The following CCDC85A variants were observed in gnomAD, a reference collection of about 807,000 sequenced individuals.
CCDC85A encodes the protein coiled-coil domain-containing protein 85A.
A neutral mutation model predicts 50.2 loss-of-function variants in CCDC85A; 38 were observed. The observed-to-expected ratio is 0.76, with a 90% confidence interval of 0.58 to 0.99. The LOEUF (loss-of-function observed/expected upper bound fraction) is 0.99, where lower values mean the gene tolerates loss of function less well. Among genes scored for constraint, CCDC85A ranks in the 50% least tolerant of loss-of-function variants. The pLI is 0.00. For missense variants in CCDC85A, 820 were observed against 742.0 expected (o/e 1.11, Z -1.22); for synonymous variants, 366 against 301.4 (o/e 1.21, Z -2.22).
intron 5 of CCDC85A, among the ~76,000 whole-genome samples, chr2:56,376,441 T>G (rs1443389171): frequency 6.6e-6 from 1 of 152,210 alleles, no homozygotes; most frequent in Non-Finnish European, 1.5e-5. Context: ...CTCCAGTTAA[T>G]GCCCCGTTAT....
intron 2 of CCDC85A, among the ~76,000 whole-genome samples, chr2:56,221,423 G>T (rs1157981334): frequency 1.3e-5 from 2 of 151,348 alleles, no homozygotes; most frequent in African/African-American, 4.9e-5. Context: ...CATAATACTT[G>T]CAGCTAGAAG....
At chr2:56,313,260 T>C (rs981198576) in intron 2 of CCDC85A, among the ~76,000 whole-genome samples, 4 of 152,314 alleles carry the variant, frequency 2.6e-5, no homozygotes, top group African/African-American at 9.6e-5. Context: ...TTTATATTTT[T>C]ATACATTTCA....
At position 56,384,247 on chromosome 2, in the gene CCDC85A, CCTT is replaced by C. The variant is rs770914923; in HGVS notation, c.1573-15_1573-13del. 2.9e-4 allele frequency: 465 copies of C among 1,592,024 alleles called. 1 individual carries two copies. The highest frequency in any genetic ancestry group is 3.4e-4 in the Non-Finnish European group (391 of 1,161,524). ...AAAGAGGAAAAGTAAGATACTCACT[CCTT>C]CTTTTTTTTTTTAAGGTTGTGTGGA... On this transcript the variant is annotated splice_polypyrimidine_tract_variant and intron_variant, in intron 5 of 5. Coordinates refer to ENST00000407595, the MANE Select transcript of CCDC85A (RefSeq NM_001080433.2).
At chr2:56,244,641 C>G (rs1669420091) in intron 2 of CCDC85A, among the ~76,000 whole-genome samples, 1 of 151,292 alleles carries the variant, frequency 6.6e-6, no homozygotes, top group East Asian at 2.0e-4. Context: ...GAAGGAGGCT[C>G]TCTGCAGTCT....
At chr2:56,315,494 GCCAGACA>G (rs1672880694) in intron 2 of CCDC85A, among the ~76,000 whole-genome samples, 1 of 152,104 alleles carries the variant, frequency 6.6e-6, no homozygotes, top group African/African-American at 2.4e-5. Context: ...GTAATATTGT[GCCAGACA>G]CTGTGGGATA....
At chr2:56,221,424 C>CA (rs1668324172) in intron 2 of CCDC85A, among the ~76,000 whole-genome samples, 1 of 151,818 alleles carries the variant, frequency 6.6e-6, no homozygotes, top group Admixed American at 6.6e-5. Context: ...ATAATACTTG[C>CA]AGCTAGAAGG....
At position 56,213,478 on chromosome 2, in the gene CCDC85A, G is replaced by A. The variant is rs62167300; in HGVS notation, c.1240+20038G>A. Among the ~76,000 whole-genome samples, 1,170 of 152,028 alleles carry A rather than the reference G, an allele frequency of 7.7e-3. 5 individuals carry two copies. Among genetic ancestry groups the A allele is most frequent in the Middle Eastern group, 0.024 (7 of 294 alleles). On this transcript the variant is annotated intron_variant, in intron 2 of 5. Transcript: ENST00000407595. Reference sequence around the variant, plus strand: ...AGAGTTCAGATTTGTGTGTAACTTGGAGCAGGTTCTTTACCAAGTCAAAGA... The same window carrying A: ...AGAGTTCAGATTTGTGTGTAACTTGAAGCAGGTTCTTTACCAAGTCAAAGA...
At chr2:56,267,691 A>G (rs1670513664) in intron 2 of CCDC85A, among the ~76,000 whole-genome samples, 1 of 152,176 alleles carries the variant, frequency 6.6e-6, no homozygotes, top group African/African-American at 2.4e-5. Flanking sequence ...ACCTCAGAGG[A>G]GTGCCAAATA....
At chr2:56,214,839 G>C (rs1185034975) in intron 2 of CCDC85A, among the ~76,000 whole-genome samples, 1 of 151,882 alleles carries the variant, frequency 6.6e-6, no homozygotes, top group African/African-American at 2.4e-5. Context: ...CTTCTGTATT[G>C]TGTTGGCTAT....
At chr2:56,322,889 C>T (rs1447442020) in intron 2 of CCDC85A, among the ~76,000 whole-genome samples, 1 of 152,096 alleles carries the variant, frequency 6.6e-6, no homozygotes. Context: ...GACTTGGAAC[C>T]AACCCAAATG....
intron 2 of CCDC85A, among the ~76,000 whole-genome samples, chr2:56,271,624 C>T (rs532234247): frequency 1.3e-5 from 2 of 152,276 alleles, no homozygotes; most frequent in South Asian, 4.1e-4. Flanking sequence ...TGTCAAGCTT[C>T]TCCTGATCCA....
intron 1 of CCDC85A, among the ~76,000 whole-genome samples, chr2:56,190,467 A>C (rs1001154126): frequency 6.6e-6 from 1 of 152,194 alleles, no homozygotes; most frequent in African/African-American, 2.4e-5. Flanking sequence ...TCTAGAGAAG[A>C]TGTAGTCTAG....
At chr2:56,229,646 A>C (rs1668695807) in intron 2 of CCDC85A, among the ~76,000 whole-genome samples, 1 of 152,092 alleles carries the variant, frequency 6.6e-6, no homozygotes, top group African/African-American at 2.4e-5. Flanking sequence ...AGGTGGCCAT[A>C]ATTTTTTTTT....
intron 2 of CCDC85A, among the ~76,000 whole-genome samples, chr2:56,272,517 C>G (rs1159179087): frequency 1.3e-5 from 2 of 152,152 alleles, no homozygotes; most frequent in Non-Finnish European, 2.9e-5. Context: ...CCATCACCTC[C>G]CATTCTTTTC....
intron 2 of CCDC85A, among the ~76,000 whole-genome samples, chr2:56,260,374 C>T: frequency 6.6e-6 from 1 of 152,190 alleles, no homozygotes; most frequent in East Asian, 1.9e-4. Flanking sequence ...AAGAATCTTT[C>T]CTTTGATCAG....
intron 2 of CCDC85A, among the ~76,000 whole-genome samples, chr2:56,249,312 C>G (rs1052320337): frequency 2.1e-4 from 32 of 152,342 alleles, no homozygotes; most frequent in Admixed American, 1.9e-3. Context: ...GGAGGAAACT[C>G]CCTTTACTTT....
At position 56,191,696 on chromosome 2, in the gene CCDC85A, G is replaced by C. The variant is rs1012724172; in HGVS notation, c.277-781G>C. 7.2e-5 allele frequency among the ~76,000 whole-genome samples: 11 copies of C among 152,312 alleles called. No homozygotes were observed. The East Asian group carries it at 2.1e-3, about 29-fold the overall frequency. On this transcript the variant is annotated intron_variant, in intron 1 of 5. Coordinates refer to ENST00000407595, the MANE Select transcript of CCDC85A (RefSeq NM_001080433.2). ...CTGAGAGGTGCAGTTTGGGGAGAGA[G>C]GTCTCTTAATTTAAGGCTCAGGTTG...
chr2:56,209,409 G>A (rs945767898), intron 2 of CCDC85A, among the ~76,000 whole-genome samples: 1 of 141,596 alleles, frequency 7.1e-6, no homozygotes, highest in African/African-American at 2.6e-5. Context: ...CATGCAAATA[G>A]AAGTCTGTTC....
chr2:56,384,210 A>C, intron 5 of CCDC85A, 56 bp from the exon 6 acceptor site: 1 of 1,505,370 alleles, frequency 6.6e-7, no homozygotes, highest in Middle Eastern at 1.7e-4. Flanking sequence ...AAGAAATGCA[A>C]ATCTCCTTGT....
Sources: gnomAD v4.1 joint callset for allele counts (sites outside exome capture counted in the v4.1 genomes callset) on GRCh38, gnomAD v4.1.1 for gene constraint, MANE v1.5 for transcripts, NCBI Gene and HGNC (gene_info 2026-07-23, HGNC 2026-07-21) for gene names.